TBC1D19: variants seen among roughly 807,000 people sequenced by gnomAD.
The protein encoded by TBC1D19 is TBC1 domain family, member 19.
A neutral mutation model predicts 89.0 loss-of-function variants in TBC1D19; 60 were observed. The observed-to-expected ratio is 0.67, with a 90% CI of 0.55 to 0.84. The LOEUF (loss-of-function observed/expected upper bound fraction) is 0.84. Among genes scored for constraint, TBC1D19 ranks in the 40% least tolerant of loss-of-function variants. The pLI is 0.00. For synonymous variants in TBC1D19, 189 were observed against 199.7 expected, an observed-to-expected ratio of 0.95 and a Z score of 0.45; for missense variants, 500 against 610.8, an observed-to-expected ratio of 0.82 and a Z score of 1.91.
chr4:26,673,241 C>G (rs958366552), intron 10 of TBC1D19, among the ~76,000 whole-genome samples: 3 of 151,458 alleles, frequency 2.0e-5, no homozygotes, highest in African/African-American at 7.3e-5. Context: ...TGGCAAATAA[C>G]TAAGAAGTCA....
At chr4:26,643,626 G>A (rs191034319) in intron 7 of TBC1D19, among the ~76,000 whole-genome samples, 108 of 152,186 alleles carry the variant, frequency 7.1e-4, no homozygotes, top group African/African-American at 2.2e-3. Flanking sequence ...CAAAAAATCA[G>A]TGAATCCAGG....
At chr4:26,683,884 T>C (rs1344838702) in intron 12 of TBC1D19, 135 bp downstream of exon 12, 2 of 672,808 alleles carry the variant, frequency 3.0e-6, no homozygotes, top group Admixed American at 3.7e-5. Context: ...GATTTATACA[T>C]ATAAAGTTAA....
At chr4:26,830,478 G>A in the TBC1D19 span, among the ~76,000 whole-genome samples, 58 of 152,148 alleles carry the variant, frequency 3.8e-4, 1 homozygote, top group Admixed American at 1.2e-3. Flanking sequence ...GAAGTGGGGC[G>A]GGGCTGGGGT....
intron 13 of TBC1D19, among the ~76,000 whole-genome samples, chr4:26,696,688 C>T (rs549041974): frequency 6.6e-6 from 1 of 152,202 alleles, no homozygotes; most frequent in Non-Finnish European, 1.5e-5. Context: ...CAAACTAGAA[C>T]TCAGGGTTAA....
At chr4:26,781,161 G>T in the TBC1D19 span, among the ~76,000 whole-genome samples, 1 of 152,294 alleles carries the variant, frequency 6.6e-6, no homozygotes, top group African/African-American at 2.4e-5. Flanking sequence ...AATCTCTGGT[G>T]CTGGGATACA....
At chr4:26,855,314 G>T in the TBC1D19 span, among the ~76,000 whole-genome samples, 1 of 152,128 alleles carries the variant, frequency 6.6e-6, no homozygotes, top group Non-Finnish European at 1.5e-5. Flanking sequence ...TAGATTGTTC[G>T]TGTATTCTTT....
intron 9 of TBC1D19, among the ~76,000 whole-genome samples, chr4:26,668,854 T>C (rs1204818780): frequency 1.3e-5 from 2 of 151,886 alleles, no homozygotes; most frequent in African/African-American, 2.4e-5. Context: ...ACTTATGAGC[T>C]TTTATATAAA....
At chr4:26,698,513 T>C (rs899967351) in intron 13 of TBC1D19, among the ~76,000 whole-genome samples, 5 of 152,132 alleles carry the variant, frequency 3.3e-5, no homozygotes, top group Non-Finnish European at 5.9e-5. Flanking sequence ...AAAAAACTAC[T>C]TTAAAGTTCA....
At chr4:26,748,378 G>T (rs761734308) in intron 18 of TBC1D19, 33 bp from the exon 19 acceptor site, 2 of 1,496,262 alleles carry the variant, frequency 1.3e-6, no homozygotes, top group Non-Finnish European at 1.9e-6. Flanking sequence ...AAATTTCAGT[G>T]GTACATTAAT....
intron 9 of TBC1D19, 93 bp downstream of exon 9, chr4:26,666,498 T>A (rs1711821955): frequency 1.9e-6 from 2 of 1,058,506 alleles, no homozygotes; most frequent in South Asian, 3.4e-5. Flanking sequence ...GCAATTTTTT[T>A]ATATCTGAAA....
chr4:26,631,026 C>T (rs895663774), intron 4 of TBC1D19, among the ~76,000 whole-genome samples: 7 of 152,100 alleles, frequency 4.6e-5, no homozygotes, highest in African/African-American at 1.2e-4. Context: ...ACTCCTTTGA[C>T]CATCCAAGAT....
the TBC1D19 span, among the ~76,000 whole-genome samples, chr4:26,804,447 C>G: frequency 6.6e-6 from 1 of 152,204 alleles, no homozygotes; most frequent in Non-Finnish European, 1.5e-5. Flanking sequence ...GTGCGCTGCC[C>G]TGTCTGTGTT....
chr4:26,683,035 T>A (rs184347829), intron 11 of TBC1D19, among the ~76,000 whole-genome samples: 1 of 152,228 alleles, frequency 6.6e-6, no homozygotes, highest in East Asian at 1.9e-4. Flanking sequence ...AACCTCAAAC[T>A]CCTGAGTTCA....
At chr4:26,835,747 C>T in the TBC1D19 span, among the ~76,000 whole-genome samples, 1 of 152,176 alleles carries the variant, frequency 6.6e-6, no homozygotes, top group Non-Finnish European at 1.5e-5. Flanking sequence ...ACATGAACTT[C>T]CTAAATGAAA....
intron 7 of TBC1D19, among the ~76,000 whole-genome samples, chr4:26,657,222 C>T (rs930797577): frequency 1.3e-5 from 2 of 151,980 alleles, no homozygotes; most frequent in African/African-American, 4.8e-5. Context: ...TCTCCTAATG[C>T]TGTCCCTCCC....
At chr4:26,803,529 G>A in the TBC1D19 span, among the ~76,000 whole-genome samples, 1 of 152,218 alleles carries the variant, frequency 6.6e-6, no homozygotes, top group African/African-American at 2.4e-5. Context: ...TGTGACTAGA[G>A]TTCTCAAGTG....
At chr4:26,650,126 G>C (rs1174808130) in intron 7 of TBC1D19, among the ~76,000 whole-genome samples, 1 of 151,966 alleles carries the variant, frequency 6.6e-6, no homozygotes, top group Non-Finnish European at 1.5e-5. Context: ...TGGACATTTG[G>C]GTTGGTTCCA....
chr4:26,816,945 C>T, the TBC1D19 span, among the ~76,000 whole-genome samples: 2 of 152,176 alleles, frequency 1.3e-5, no homozygotes, highest in Admixed American at 1.3e-4. Context: ...TCCCCACTCT[C>T]TGAGACAAAA....
At chr4:26,599,727 C>T (rs961523393) in intron 1 of TBC1D19, among the ~76,000 whole-genome samples, 3 of 152,038 alleles carry the variant, frequency 2.0e-5, no homozygotes, top group Non-Finnish European at 2.9e-5. Flanking sequence ...GGGCGGGTTG[C>T]CTGAGCTCAG....
Sources: allele counts gnomAD v4.1 joint callset (sites outside exome capture counted in the v4.1 genomes callset), GRCh38; gene constraint gnomAD v4.1.1; transcripts MANE v1.5; gene names NCBI Gene and HGNC (gene_info 2026-07-23, HGNC 2026-07-21).